ANXA4: variants seen among roughly 807,000 people sequenced by gnomAD.
ANXA4 encodes annexin A4, also known as 35-beta calcimedin.
In ANXA4, 39 loss-of-function variants were observed where a neutral mutation model predicts 49.8. The observed-to-expected ratio is 0.78, with a 90% CI of 0.61 to 1.02. The LOEUF (loss-of-function observed/expected upper bound fraction) is 1.02, where lower values mean the gene tolerates loss of function less well. ANXA4 is among the 50% of genes least tolerant of loss of function. ANXA4 has a pLI of 0.00. For missense variants in ANXA4, 360 were observed against 410.1 expected (o/e 0.88, Z 1.05); for synonymous variants, 134 against 152.5 (o/e 0.88, Z 0.89).
At chr2:69,813,570 T>C (rs568187624) in intron 8 of ANXA4, among the ~76,000 whole-genome samples, 2 of 151,452 alleles carry the variant, frequency 1.3e-5, no homozygotes, top group South Asian at 4.2e-4. Flanking sequence ...AAATTCTATA[T>C]TAAGTATGTC....
At chr2:69,669,849 T>G (rs1357718443) in intron 2 of ANXA4, among the ~76,000 whole-genome samples, 3 of 152,080 alleles carry the variant, frequency 2.0e-5, no homozygotes, top group Non-Finnish European at 2.9e-5. Flanking sequence ...CATCTAATAC[T>G]TCTCCCACCG....
chr2:69,822,826 T>C (rs1239353870), intron 12 of ANXA4, among the ~76,000 whole-genome samples: 1 of 151,934 alleles, frequency 6.6e-6, no homozygotes. Flanking sequence ...GATGAAAGGG[T>C]TTTAGAAATA....
At chr2:69,824,558 T>C (rs1021509120) in intron 12 of ANXA4, among the ~76,000 whole-genome samples, 4 of 151,706 alleles carry the variant, frequency 2.6e-5, no homozygotes, top group Non-Finnish European at 5.9e-5. Flanking sequence ...TAATTCCCAT[T>C]TTATGAAAAT....
At chr2:69,763,210 T>A (rs537059368) in intron 1 of ANXA4, among the ~76,000 whole-genome samples, 1 of 152,268 alleles carries the variant, frequency 6.6e-6, no homozygotes, top group East Asian at 1.9e-4. Context: ...AGAGAGGGAA[T>A]GGCTGATCCA....
intron 2 of ANXA4, among the ~76,000 whole-genome samples, chr2:69,667,974 A>G (rs900593485): frequency 6.6e-6 from 1 of 152,210 alleles, no homozygotes. Flanking sequence ...ACTAGTGAGC[A>G]TGCAGAAATG....
intron 2 of ANXA4, among the ~76,000 whole-genome samples, chr2:69,678,468 A>G (rs1208962929): frequency 1.5e-5 from 2 of 135,470 alleles, no homozygotes; most frequent in African/African-American, 5.7e-5. Context: ...ATCATGACTC[A>G]CTGCAGCCTC....
At chr2:69,769,946 A>G (rs1399013310) in intron 1 of ANXA4, among the ~76,000 whole-genome samples, 2 of 152,212 alleles carry the variant, frequency 1.3e-5, no homozygotes, top group South Asian at 2.1e-4. Flanking sequence ...TACAGGTGTG[A>G]GCCACTGCAC....
intron 1 of ANXA4, among the ~76,000 whole-genome samples, chr2:69,645,492 C>T (rs1675973846): frequency 1.3e-5 from 2 of 152,248 alleles, no homozygotes; most frequent in African/African-American, 2.4e-5. Context: ...CCATTTCTCT[C>T]AGCACTTATT....
intron 1 of ANXA4, among the ~76,000 whole-genome samples, chr2:69,763,662 C>CTTTT (rs58726825): frequency 7.3e-6 from 1 of 136,630 alleles, no homozygotes; most frequent in Non-Finnish European, 1.6e-5. Context: ...GGACATAATA[C>CTTTT]TTTTTTTTTT....
chr2:69,678,501 C>T (rs925618507), intron 2 of ANXA4, among the ~76,000 whole-genome samples: 1 of 148,318 alleles, frequency 6.7e-6, no homozygotes, highest in African/African-American at 2.5e-5. Context: ...TCAGGAGATA[C>T]TCCCACCTCA....
intron 1 of ANXA4, among the ~76,000 whole-genome samples, chr2:69,763,946 C>A (rs1304157251): frequency 1.3e-5 from 2 of 152,134 alleles, no homozygotes; most frequent in African/African-American, 4.8e-5. Context: ...CAGACGTGAG[C>A]CACCGCACCT....
At chr2:69,683,468 A>G (rs1255223308) in intron 2 of ANXA4, among the ~76,000 whole-genome samples, 2 of 152,198 alleles carry the variant, frequency 1.3e-5, no homozygotes, top group East Asian at 3.8e-4. Flanking sequence ...GAATTTGGCC[A>G]AAAACCTTTA....
intron 2 of ANXA4, among the ~76,000 whole-genome samples, chr2:69,710,708 T>C (rs558515235): frequency 6.6e-6 from 1 of 152,278 alleles, no homozygotes; most frequent in East Asian, 1.9e-4. Flanking sequence ...CATGAAAATA[T>C]ACTCCACATT....
intron 2 of ANXA4, among the ~76,000 whole-genome samples, chr2:69,714,866 G>A (rs900789248): frequency 6.6e-6 from 1 of 152,184 alleles, no homozygotes; most frequent in African/African-American, 2.4e-5. Context: ...GGTTAACCTT[G>A]TGTCTTGTGG....
chr2:69,719,280 T>G (rs2105423858), intron 2 of ANXA4, among the ~76,000 whole-genome samples: 1 of 143,300 alleles, frequency 7.0e-6, no homozygotes, highest in South Asian at 2.3e-4. Context: ...TTTTTTTTTT[T>G]TTTTTTGAGG....
At chr2:69,774,403 A>G (rs1671882015) in intron 1 of ANXA4, among the ~76,000 whole-genome samples, 1 of 131,902 alleles carries the variant, frequency 7.6e-6, no homozygotes, top group Non-Finnish European at 1.6e-5. Context: ...CAGTGGCGCA[A>G]TCTCAGCTCA....
upstream of ANXA4, among the ~76,000 whole-genome samples, chr2:69,644,171 C>CG (rs1047487646): frequency 1.9e-5 from 1 of 52,854 alleles, no homozygotes; most frequent in African/African-American, 5.6e-5. Flanking sequence ...AAGTTCCCCC[C>CG]CCCCCCCCCC....
chr2:69,733,177 T>C (rs1247881156), intron 3 of ANXA4, among the ~76,000 whole-genome samples: 1 of 152,250 alleles, frequency 6.6e-6, no homozygotes, highest in Admixed American at 6.5e-5. Flanking sequence ...GTTTATTTAC[T>C]TAATGAAAAT....
At chr2:69,805,503 G>A (rs9309432) in intron 4 of ANXA4, among the ~76,000 whole-genome samples, 10,772 of 151,782 alleles carry the variant, frequency 0.071, 1,246 homozygotes, top group African/African-American at 0.25. Context: ...CTACTTGGGA[G>A]ACTGAGGCAG....
Sources: gnomAD v4.1 joint callset for allele counts (sites outside exome capture counted in the v4.1 genomes callset) on GRCh38, gnomAD v4.1.1 for gene constraint, MANE v1.5 for transcripts, NCBI Gene and HGNC (gene_info 2026-07-23, HGNC 2026-07-21) for gene names.